EPB41L2: variants seen among roughly 807,000 people sequenced by gnomAD.
EPB41L2 encodes the protein erythrocyte membrane protein band 4.1 like 2.
Under a neutral mutation model 113.0 loss-of-function variants are expected in EPB41L2, and 43 were observed. That is an observed-to-expected ratio of 0.38 (90% CI 0.30 to 0.49). The LOEUF is 0.49. Ranked by LOEUF, EPB41L2 falls within the 20% of genes least tolerant of loss-of-function variation. The pLI is 0.95. For synonymous variants in EPB41L2, 442 were observed against 436.7 expected (o/e 1.01, Z -0.15); for missense variants, 1,147 against 1,223.4 (o/e 0.94, Z 0.93).
intron 1 of EPB41L2, among the ~76,000 whole-genome samples, chr6:131,056,776 T>C (rs1398549446): frequency 6.6e-6 from 1 of 152,218 alleles, no homozygotes; most frequent in African/African-American, 2.4e-5. Context: ...TGAGAAATAA[T>C]TTGCCCAAGG....
intron 6 of EPB41L2, 90 bp downstream of exon 6, chr6:130,904,375 C>T: frequency 1.2e-6 from 1 of 830,928 alleles, no homozygotes; most frequent in Non-Finnish European, 1.8e-6. Flanking sequence ...TTTTGGTTTT[C>T]AATCCTGAAA....
At chr6:130,927,921 C>G (rs1388101817) in intron 3 of EPB41L2, among the ~76,000 whole-genome samples, 1 of 151,994 alleles carries the variant, frequency 6.6e-6, no homozygotes, top group Non-Finnish European at 1.5e-5. Context: ...GGTGAAACCT[C>G]ATCTCTACAA....
At chr6:130,951,849 T>C (rs1167224012) in intron 3 of EPB41L2, among the ~76,000 whole-genome samples, 1 of 151,960 alleles carries the variant, frequency 6.6e-6, no homozygotes. Flanking sequence ...AGTATGGTTC[T>C]ACCATGTTTT....
chr6:130,977,368 A>G (rs1778422905), intron 1 of EPB41L2, among the ~76,000 whole-genome samples: 1 of 152,188 alleles, frequency 6.6e-6, no homozygotes, highest in African/African-American at 2.4e-5. Context: ...TACATAGCAA[A>G]TCAGTAGCAA....
intron 1 of EPB41L2, among the ~76,000 whole-genome samples, chr6:130,972,962 A>AAAAAAAAAAAAAAAAAAC (rs1777253338): frequency 7.1e-6 from 1 of 140,444 alleles, no homozygotes; most frequent in Non-Finnish European, 1.5e-5. Flanking sequence ...AAAAAAAAAA[A>AAAAAAAAAAAAAAAAAAC]ACAGCCGGGT....
chr6:131,005,387 T>C (rs1327865527), intron 1 of EPB41L2, among the ~76,000 whole-genome samples: 2 of 152,128 alleles, frequency 1.3e-5, no homozygotes, highest in Non-Finnish European at 2.9e-5. Context: ...ACCTGACATT[T>C]GTCTAATCTA....
chr6:131,009,910 T>C (rs1231028667), intron 1 of EPB41L2, among the ~76,000 whole-genome samples: 1 of 152,234 alleles, frequency 6.6e-6, no homozygotes, highest in Non-Finnish European at 1.5e-5. Flanking sequence ...TAACAGTTTA[T>C]TGTCCAAATA....
intron 19 of EPB41L2, among the ~76,000 whole-genome samples, chr6:130,857,197 A>C (rs967942807): frequency 6.6e-6 from 1 of 152,194 alleles, no homozygotes; most frequent in African/African-American, 2.4e-5. Flanking sequence ...ACACTATTAA[A>C]AACATAAGTT....
chr6:130,880,291 C>T (rs187112183), intron 12 of EPB41L2, 85 bp from the exon 13 acceptor site: 104 of 897,044 alleles, frequency 1.2e-4, no homozygotes, highest in African/African-American at 1.8e-4. Flanking sequence ...ACCCAGAGTT[C>T]GACAGTCTAA....
chr6:131,003,235 C>T (rs1784740940), intron 1 of EPB41L2, among the ~76,000 whole-genome samples: 1 of 151,950 alleles, frequency 6.6e-6, no homozygotes, highest in Non-Finnish European at 1.5e-5. Flanking sequence ...GTGAAATGTA[C>T]AAAAATATGT....
intron 4 of EPB41L2, among the ~76,000 whole-genome samples, chr6:130,923,400 C>A (rs1353762816): frequency 6.6e-6 from 1 of 152,162 alleles, no homozygotes; most frequent in African/African-American, 2.4e-5. Context: ...TAACATATAG[C>A]CTTAAGTGGC....
At chr6:131,051,083 G>A (rs935025650) in intron 1 of EPB41L2, among the ~76,000 whole-genome samples, 12 of 152,012 alleles carry the variant, frequency 7.9e-5, no homozygotes, top group East Asian at 7.7e-4. Context: ...CTCCTTGAAA[G>A]ACCACAGGAA....
intron 1 of EPB41L2, among the ~76,000 whole-genome samples, chr6:131,054,565 T>C (rs1797247768): frequency 3.3e-5 from 5 of 152,182 alleles, no homozygotes; most frequent in Admixed American, 3.3e-4. Context: ...TCAGGTCCCT[T>C]CAGGTCTCTT....
chr6:130,928,301 T>G (rs998363987), intron 3 of EPB41L2, among the ~76,000 whole-genome samples: 1 of 152,196 alleles, frequency 6.6e-6, no homozygotes, highest in African/African-American at 2.4e-5. Context: ...ACCAAAGTTC[T>G]AAATACACTT....
chr6:130,932,078 C>T (rs1021940319), intron 3 of EPB41L2, among the ~76,000 whole-genome samples: 2 of 152,158 alleles, frequency 1.3e-5, no homozygotes, highest in South Asian at 4.2e-4. Context: ...AATTACAAGA[C>T]CTTTTTGAGC....
At chr6:130,915,085 CG>C (rs111784393) in intron 4 of EPB41L2, among the ~76,000 whole-genome samples, 3,590 of 152,122 alleles carry the variant, frequency 0.024, 130 homozygotes, top group African/African-American at 0.082. Flanking sequence ...GGGCGGATCA[CG>C]AGGTCAGGAG....
At chr6:130,841,934 G>A (rs1025886454) in intron 19 of EPB41L2, among the ~76,000 whole-genome samples, 1 of 152,220 alleles carries the variant, frequency 6.6e-6, no homozygotes, top group Non-Finnish European at 1.5e-5. Flanking sequence ...CCATGATGGT[G>A]CAATGGCCCT....
At chr6:131,013,091 G>A (rs1231413236) in intron 1 of EPB41L2, among the ~76,000 whole-genome samples, 1 of 152,140 alleles carries the variant, frequency 6.6e-6, no homozygotes, top group Non-Finnish European at 1.5e-5. Flanking sequence ...AAGAACATGA[G>A]CACAGTGCCT....
chr6:130,865,495 A>G lies in EPB41L2; in HGVS notation c.2829+41T>C, dbSNP rs753857584. The G allele has an allele frequency of 3.8e-6, 6 of 1,571,508 alleles. No individual in the cohort carries two copies. The Admixed American group carries it at 8.4e-5, about 22-fold the overall frequency. Reference sequence around the variant, plus strand: ...ACAATTCAGAAAAGATTCTGTCTGTAATGTACCATCCTCTCCATATGATCC... The same window carrying G: ...ACAATTCAGAAAAGATTCTGTCTGTGATGTACCATCCTCTCCATATGATCC... On this transcript the variant is annotated intron_variant, in intron 17 of 19. Transcript: ENST00000337057.
Sources: allele counts gnomAD v4.1 joint callset (sites outside exome capture counted in the v4.1 genomes callset), GRCh38; gene constraint gnomAD v4.1.1; transcripts MANE v1.5; gene names NCBI Gene and HGNC (gene_info 2026-07-23, HGNC 2026-07-21).